KSR1: variants seen among roughly 807,000 people sequenced by gnomAD.
KSR1 encodes the protein kinase suppressor of ras.
A neutral mutation model predicts 92.9 loss-of-function variants in KSR1; 35 were observed. That is an observed-to-expected ratio of 0.38 (90% confidence interval 0.29 to 0.50). The LOEUF (loss-of-function observed/expected upper bound fraction) is 0.50. KSR1 is among the 20% of genes least tolerant of loss of function. The pLI is 0.94. For missense variants in KSR1, 972 were observed against 1,158.5 expected, an observed-to-expected ratio of 0.84 and a Z score of 2.34; for synonymous variants, 467 against 472.6, an observed-to-expected ratio of 0.99 and a Z score of 0.15.
intron 1 of KSR1, among the ~76,000 whole-genome samples, chr17:27,495,669 A>G (rs984163924): frequency 6.6e-6 from 1 of 152,140 alleles, no homozygotes; most frequent in African/African-American, 2.4e-5. Context: ...GGGTATTTTA[A>G]TCACTGTGAT....
rs559174201 is a variant in KSR1, at chr17:27,549,217, T to C, written c.232-1351T>C. 4.0e-4 allele frequency among the ~76,000 whole-genome samples: 61 copies of C among 152,328 alleles called. 1 individual carries two copies. In the South Asian group the frequency reaches 6.8e-3, roughly 17 times the overall value. On this transcript the variant is annotated intron_variant, in intron 1 of 20. Transcript: ENST00000644974. The stretch of plus-strand genomic sequence containing the variant: ...CAGAAGACAGGTTCCTGTAAGAGAC[T>C]GTGAAGGTGGTACTTATTTTGGGGG...
chr17:27,537,708 A>G (rs951182405), intron 1 of KSR1, among the ~76,000 whole-genome samples: 3 of 152,168 alleles, frequency 2.0e-5, no homozygotes, highest in African/African-American at 7.2e-5. Flanking sequence ...TAAACAAACA[A>G]TAAAATAAAA....
chr17:27,564,759 C>T (rs1421975234), intron 2 of KSR1, among the ~76,000 whole-genome samples: 1 of 148,062 alleles, frequency 6.8e-6, no homozygotes, highest in African/African-American at 2.5e-5. Flanking sequence ...ACCTCCCCCA[C>T]CCACAGTAGG....
Position 27,467,544 on chromosome 17 carries a change from T to C in KSR1, c.231+10670T>C, listed in dbSNP as rs2019756596. Among the ~76,000 whole-genome samples, 3 of 152,242 alleles carry C rather than the reference T, an allele frequency of 2.0e-5. No homozygotes were observed. The South Asian group carries it at 6.2e-4, about 32-fold the overall frequency. ...ATGTTCCTAAGAGATAGACATTATC[T>C]TGTGAATGGGTCTCTTAGGGTGTGG... On this transcript the variant is annotated intron_variant, in intron 1 of 20. Coordinates refer to ENST00000644974, the MANE Select transcript of KSR1 (RefSeq NM_001394583.1).
intron 1 of KSR1, among the ~76,000 whole-genome samples, chr17:27,474,440 C>T (rs1457590075): frequency 6.6e-6 from 1 of 152,178 alleles, no homozygotes; most frequent in Non-Finnish European, 1.5e-5. Flanking sequence ...TGTAAGAGCA[C>T]AGGTTCTGGT....
intron 19 of KSR1, among the ~76,000 whole-genome samples, chr17:27,620,064 G>C (rs1402177527): frequency 2.0e-5 from 3 of 152,230 alleles, no homozygotes; most frequent in African/African-American, 7.2e-5. Flanking sequence ...AACTCAGCAT[G>C]AGTTTTCTCT....
intron 1 of KSR1, among the ~76,000 whole-genome samples, chr17:27,458,502 C>T (rs2019285745): frequency 6.6e-6 from 1 of 152,200 alleles, no homozygotes; most frequent in Admixed American, 6.5e-5. Flanking sequence ...TGTGCATTCT[C>T]TGGAATGGCC....
chr17:27,536,697 C>T (rs1187075758), intron 1 of KSR1, among the ~76,000 whole-genome samples: 1 of 151,288 alleles, frequency 6.6e-6, no homozygotes, highest in African/African-American at 2.4e-5. Context: ...CTGACTGAAA[C>T]AAAAAAAAAG....
chr17:27,476,155 C>CG (rs1218151650), intron 1 of KSR1, among the ~76,000 whole-genome samples: 3 of 152,170 alleles, frequency 2.0e-5, no homozygotes, highest in African/African-American at 2.4e-5. Flanking sequence ...GCTCCTGCCC[C>CG]GGGGGGACCA....
At chr17:27,623,120 A>G (rs1020526705) in intron 20 of KSR1, 194 bp from the exon 21 acceptor site, 34 of 614,788 alleles carry the variant, frequency 5.5e-5, no homozygotes, top group Middle Eastern at 4.1e-4. Context: ...TCCAAGTAGG[A>G]CTACTTGGAG....
chr17:27,623,586 C>T lies in KSR1; in HGVS notation c.*194C>T. Reference sequence around the variant, plus strand: ...GCACCTGCTATTTCTTAAAATGACACCACCAACAACCAAACCTGTCATGAC... The same window carrying T: ...GCACCTGCTATTTCTTAAAATGACATCACCAACAACCAAACCTGTCATGAC... On this transcript the variant is annotated 3_prime_UTR_variant, in exon 21 of 21. Transcript: ENST00000644974. The T allele has an allele frequency of 3.2e-6, 2 of 633,702 alleles. No homozygotes were observed. The highest frequency in any genetic ancestry group is 1.8e-5 in the South Asian group (1 of 56,074). 39.3% of individuals were successfully genotyped at this position (633,702 alleles called of 1,614,324 possible). A position where few individuals can be genotyped will look rare whatever the true frequency, so the allele number is the denominator to read the frequency against.
In KSR1 at chr17:27,532,591, A is replaced by G. The variant is rs145068848; in HGVS notation, c.232-17977A>G. On this transcript the variant is annotated intron_variant, in intron 1 of 20. Transcript: ENST00000644974. Reference sequence around the variant, plus strand: ...GAGCCCTTGCAACTGGAGAACTAGCAGGAGGCCCTCGCTCTGGTTCTTTGT... The same window carrying G: ...GAGCCCTTGCAACTGGAGAACTAGCGGGAGGCCCTCGCTCTGGTTCTTTGT... Among the ~76,000 whole-genome samples the G allele has an allele frequency of 7.3e-3, 1,117 of 152,352 alleles. 10 individuals carry two copies. The highest frequency in any genetic ancestry group is 0.026 in the African/African-American group (1,076 of 41,584).
At chr17:27,540,587 C>G in intron 1 of KSR1, among the ~76,000 whole-genome samples, 1 of 152,172 alleles carries the variant, frequency 6.6e-6, no homozygotes, top group Admixed American at 6.5e-5. Flanking sequence ...GGGTATGGGC[C>G]GGGCCGGGAG....
chr17:27,605,352 T>G lies in KSR1; in HGVS notation c.1615-82T>G, dbSNP rs1280782215. On this transcript the variant is annotated intron_variant, in intron 13 of 20. Transcript: ENST00000644974. ...CAGGATGCCTCTCTCCCCTGTTACC[T>G]GGCTAGGGCTCCAGGAGAAGGAAGA... The G allele has an allele frequency of 2.0e-6, 3 of 1,508,086 alleles. No individual in the cohort carries two copies. The African/African-American group carries it at 4.2e-5, about 21-fold the overall frequency. The allele number at this position is 1,508,086 out of a possible 1,614,324, so 93.4% of individuals were successfully genotyped here.
chr17:27,469,043 C>T (rs1310617474), intron 1 of KSR1, among the ~76,000 whole-genome samples: 1 of 152,170 alleles, frequency 6.6e-6, no homozygotes, highest in East Asian at 1.9e-4. Context: ...TTAAGCTTCA[C>T]TGTGTGTGGG....
At chr17:27,567,046 A>C (rs1440310618) in intron 2 of KSR1, among the ~76,000 whole-genome samples, 2 of 152,172 alleles carry the variant, frequency 1.3e-5, no homozygotes, top group Non-Finnish European at 2.9e-5. Context: ...GCAGTGTCTT[A>C]AGGTGTGTAA....
At chr17:27,606,424 C>T (rs1014610553) in intron 14 of KSR1, among the ~76,000 whole-genome samples, 2 of 152,226 alleles carry the variant, frequency 1.3e-5, no homozygotes, top group Admixed American at 6.5e-5. Flanking sequence ...CATATACTCA[C>T]GTTTTTAAAC....
At chr17:27,504,786 A>C (rs188373320) in intron 1 of KSR1, among the ~76,000 whole-genome samples, 7 of 152,198 alleles carry the variant, frequency 4.6e-5, no homozygotes, top group Non-Finnish European at 2.9e-5. Flanking sequence ...CTGAAGGCTC[A>C]TGAATTATGC....
chr17:27,606,545 A>G (rs973101326), intron 14 of KSR1, among the ~76,000 whole-genome samples: 1 of 152,214 alleles, frequency 6.6e-6, no homozygotes, highest in Non-Finnish European at 1.5e-5. Flanking sequence ...CCTGCACAGT[A>G]TCCCCATCAC....
Sources: gnomAD v4.1 joint callset for allele counts (sites outside exome capture counted in the v4.1 genomes callset) on GRCh38, gnomAD v4.1.1 for gene constraint, MANE v1.5 for transcripts, NCBI Gene and HGNC (gene_info 2026-07-23, HGNC 2026-07-21) for gene names.